KSR2: variants seen among roughly 807,000 people sequenced by gnomAD.
KSR2 encodes the protein kinase suppressor of ras 2.
KSR2 carries 25 observed loss-of-function variants against 107.8 expected under a neutral mutation model. The ratio of observed to expected loss-of-function variants is 0.23; its 90% confidence interval spans 0.17 to 0.32. The LOEUF (loss-of-function observed/expected upper bound fraction) is 0.32, where lower values mean the gene tolerates loss of function less well. Ranked by LOEUF, KSR2 falls within the 10% of genes least tolerant of loss-of-function variation. The pLI is 1.00. For synonymous variants in KSR2, 480 were observed against 507.0 expected (o/e 0.95, Z 0.71); for missense variants, 887 against 1,268.9 (o/e 0.70, Z 4.57).
At chr12:117,522,289 G>A (rs546103515) in intron 14 of KSR2, among the ~76,000 whole-genome samples, 1 of 152,224 alleles carries the variant, frequency 6.6e-6, no homozygotes, top group East Asian at 1.9e-4. Flanking sequence ...AAGGGGGTGA[G>A]GGAGGCATGG....
chr12:117,556,296 G>A (rs1160407115), intron 8 of KSR2, among the ~76,000 whole-genome samples: 2 of 152,158 alleles, frequency 1.3e-5, no homozygotes, highest in Non-Finnish European at 2.9e-5. Context: ...GTCCATATGG[G>A]AATCAGCCTC....
At chr12:117,899,649 G>C (rs557845458) in intron 1 of KSR2, among the ~76,000 whole-genome samples, 1 of 152,288 alleles carries the variant, frequency 6.6e-6, no homozygotes, top group African/African-American at 2.4e-5. Flanking sequence ...TGCTGCCCCT[G>C]GTATTGTCCT....
At chr12:117,868,973 G>A (rs1230697532) in intron 1 of KSR2, among the ~76,000 whole-genome samples, 2 of 151,898 alleles carry the variant, frequency 1.3e-5, no homozygotes, top group South Asian at 2.1e-4. Context: ...GGTTGGTCTC[G>A]AACTCCCGAC....
chr12:117,946,356 G>A (rs1464607644), intron 1 of KSR2, among the ~76,000 whole-genome samples: 2 of 151,962 alleles, frequency 1.3e-5, no homozygotes, highest in Non-Finnish European at 2.9e-5. Context: ...GGAAAAAAGA[G>A]AGAAAAAAAC....
In KSR2 at chr12:117,523,670, TC is replaced by T. The variant is rs1874916045; in HGVS notation, c.2219+1181del. 2.0e-5 allele frequency among the ~76,000 whole-genome samples: 3 copies of T among 152,302 alleles called. No individual in the cohort carries two copies. In the South Asian group the frequency reaches 6.2e-4, roughly 32 times the overall value. On this transcript the variant is annotated intron_variant, in intron 14 of 19. Transcript: ENST00000339824. Reference sequence around the variant, plus strand: ...AGACAGCAAATGTGCTCTGCAACTTTCATGAAAACCAGAGTAACACTTATCA... The same window carrying T: ...AGACAGCAAATGTGCTCTGCAACTTTATGAAAACCAGAGTAACACTTATCA...
intron 5 of KSR2, among the ~76,000 whole-genome samples, chr12:117,588,005 C>G (rs1467661270): frequency 6.6e-6 from 1 of 152,158 alleles, no homozygotes; most frequent in Non-Finnish European, 1.5e-5. Flanking sequence ...CTAACCCTGA[C>G]AAGACCATTC....
chr12:117,507,845 C>G (rs1250679383), intron 14 of KSR2, among the ~76,000 whole-genome samples: 1 of 152,144 alleles, frequency 6.6e-6, no homozygotes, highest in African/African-American at 2.4e-5. Flanking sequence ...GCAGCCCCCA[C>G]CCCCACTCCT....
intron 9 of KSR2, among the ~76,000 whole-genome samples, chr12:117,551,002 C>G (rs977562634): frequency 6.6e-6 from 1 of 152,226 alleles, no homozygotes; most frequent in African/African-American, 2.4e-5. Context: ...AGGCGGGTCT[C>G]TGTACCTTGC....
chr12:117,623,004 A>T (rs1346997605), intron 5 of KSR2, among the ~76,000 whole-genome samples: 1 of 152,216 alleles, frequency 6.6e-6, no homozygotes, highest in East Asian at 1.9e-4. Flanking sequence ...CACAGGTATT[A>T]ACAGTCAGAG....
intron 7 of KSR2, 82 bp from the exon 8 acceptor site, chr12:117,558,655 A>T: frequency 1.1e-6 from 1 of 884,706 alleles, no homozygotes; most frequent in Non-Finnish European, 1.9e-6. Flanking sequence ...GAATGGATGG[A>T]TGGGTGGATG....
chr12:117,596,508 A>G (rs1880653689), intron 5 of KSR2, among the ~76,000 whole-genome samples: 2 of 152,196 alleles, frequency 1.3e-5, no homozygotes, highest in South Asian at 2.1e-4. Context: ...CTACCCAGAC[A>G]TCACCTCGTA....
intron 1 of KSR2, among the ~76,000 whole-genome samples, chr12:117,924,209 T>G (rs568486175): frequency 6.6e-6 from 1 of 151,626 alleles, no homozygotes; most frequent in South Asian, 2.1e-4. Flanking sequence ...GGTTAAAACT[T>G]AAAACTGAAA....
At chr12:117,825,364 G>T (rs1566034182) in intron 3 of KSR2, among the ~76,000 whole-genome samples, 1 of 152,062 alleles carries the variant, frequency 6.6e-6, no homozygotes, top group East Asian at 1.9e-4. Context: ...GGCATGGCTG[G>T]GTAAATGTGT....
chr12:117,855,125 A>G (rs1893055863), intron 3 of KSR2, among the ~76,000 whole-genome samples: 2 of 152,156 alleles, frequency 1.3e-5, no homozygotes, highest in Non-Finnish European at 2.9e-5. Flanking sequence ...CTAAAGTAAA[A>G]AGACCCTGGT....
At chr12:117,559,853 C>G (rs1002478785) in intron 7 of KSR2, among the ~76,000 whole-genome samples, 1 of 152,180 alleles carries the variant, frequency 6.6e-6, no homozygotes, top group Non-Finnish European at 1.5e-5. Flanking sequence ...CGTAAGTGCC[C>G]CATTCGTATC....
At chr12:117,928,182 CTT>C (rs35971412) in intron 1 of KSR2, among the ~76,000 whole-genome samples, 49,692 of 140,708 alleles carry the variant, frequency 0.35, 8,125 homozygotes, top group Middle Eastern at 0.44. Context: ...TCCTTCTTTC[CTT>C]TTTTTTTTTT....
At chr12:117,516,812 A>G (rs1166828670) in intron 14 of KSR2, among the ~76,000 whole-genome samples, 1 of 152,200 alleles carries the variant, frequency 6.6e-6, no homozygotes, top group Non-Finnish European at 1.5e-5. Context: ...GTATGAGTCT[A>G]TTTCTCATGG....
intron 1 of KSR2, among the ~76,000 whole-genome samples, chr12:117,930,838 C>T (rs1443085219): frequency 6.6e-6 from 1 of 152,090 alleles, no homozygotes; most frequent in Non-Finnish European, 1.5e-5. Context: ...CACTTGAACC[C>T]AGGAAGTGGA....
At chr12:117,926,520 C>T (rs1273661142) in intron 1 of KSR2, among the ~76,000 whole-genome samples, 1 of 152,178 alleles carries the variant, frequency 6.6e-6, no homozygotes, top group East Asian at 1.9e-4. Context: ...AACGGTTGGC[C>T]TCTCTCTCTG....
Sources: allele counts gnomAD v4.1 joint callset (sites outside exome capture counted in the v4.1 genomes callset), GRCh38; gene constraint gnomAD v4.1.1; transcripts MANE v1.5; gene names NCBI Gene and HGNC (gene_info 2026-07-23, HGNC 2026-07-21).